The following GOSR2 variants were observed in gnomAD, a reference collection of about 807,000 sequenced individuals.
GOSR2 encodes the protein golgi SNAP receptor complex member 2, also known as 27 kDa Golgi SNARE protein.
In GOSR2, 20 loss-of-function variants were observed where a neutral mutation model predicts 27.9. The ratio of observed to expected loss-of-function variants is 0.72; its 90% CI spans 0.50 to 1.04. The LOEUF (loss-of-function observed/expected upper bound fraction) is 1.04. Ranked by LOEUF, GOSR2 falls within the 50% of genes least tolerant of loss-of-function variation. The probability of loss-of-function intolerance (pLI) is 0.00; values close to 1 mark genes in which losing one functional copy is unlikely to be tolerated. For missense variants in GOSR2, 261 were observed against 270.5 expected (o/e 0.97, Z 0.25); for synonymous variants, 91 against 98.8 (o/e 0.92, Z 0.47).
downstream of GOSR2, among the ~76,000 whole-genome samples, chr17:46,943,832 C>G (rs999350473): frequency 3.9e-5 from 6 of 152,222 alleles, no homozygotes. Flanking sequence ...TCACTCAGGA[C>G]TGGGGAGAGA....
chr17:46,940,796 T>C lies in GOSR2; in HGVS notation c.*2036T>C. The C allele has an allele frequency of 1.3e-6, 2 of 1,489,794 alleles. No homozygotes were observed. The highest frequency in any genetic ancestry group is 8.9e-7 in the Non-Finnish European group (1 of 1,121,368). 92.3% of individuals were successfully genotyped at this position (1,489,794 alleles called of 1,614,324 possible). On this transcript the variant is annotated 3_prime_UTR_variant, in exon 6 of 6. Transcript: ENST00000640051. ...TTTGGAATAAAAATTGCAGAGGTGG[T>C]TTTTGGGTCTTTACCACCTGCGGCT...
chr17:46,923,307 G>A, intron 1 of GOSR2, 86 bp downstream of exon 1: 1 of 1,546,506 alleles, frequency 6.5e-7, no homozygotes, highest in Middle Eastern at 1.7e-4. Context: ...TCGGACGTCA[G>A]CCAGGGTAGA....
intron 5 of GOSR2, 92 bp from the exon 6 acceptor site, chr17:46,938,503 ATGTC>A: frequency 9.4e-6 from 15 of 1,589,526 alleles, no homozygotes; most frequent in Non-Finnish European, 1.3e-5. Flanking sequence ...GACCAAGAGA[ATGTC>A]TGTTGGCAAA....
At chr17:46,961,899 G>A (rs2147302638) in intron 6 of GOSR2, among the ~76,000 whole-genome samples, 1 of 152,180 alleles carries the variant, frequency 6.6e-6, no homozygotes, top group South Asian at 2.1e-4. Flanking sequence ...CTACCCTAGG[G>A]GATTATAGTT....
At chr17:46,943,388 T>C (rs1291512846), downstream of GOSR2, among the ~76,000 whole-genome samples, 1 of 152,212 alleles carries the variant, frequency 6.6e-6, no homozygotes, top group Non-Finnish European at 1.5e-5. Flanking sequence ...TGCCTGGTGT[T>C]CCGTCCTCCC....
intron 1 of GOSR2, among the ~76,000 whole-genome samples, chr17:46,925,325 C>G (rs1240815691): frequency 1.3e-5 from 2 of 152,222 alleles, no homozygotes; most frequent in African/African-American, 4.8e-5. Flanking sequence ...AGGCCCTCTG[C>G]TACCCCGACA....
intron 6 of GOSR2, among the ~76,000 whole-genome samples, chr17:46,961,716 A>C (rs2091061344): frequency 6.6e-6 from 1 of 152,244 alleles, no homozygotes; most frequent in African/African-American, 2.4e-5. Context: ...ACGACATAGA[A>C]AATTTGCAAG....
chr17:46,958,923 A>ATT (rs2090898088), intron 6 of GOSR2, among the ~76,000 whole-genome samples: 1 of 152,238 alleles, frequency 6.6e-6, no homozygotes, highest in Non-Finnish European at 1.5e-5. Flanking sequence ...TCCAAGAACT[A>ATT]TTACAAGGCT....
chr17:46,936,228 A>G, intron 5 of GOSR2: 2 of 985,472 alleles, frequency 2.0e-6, no homozygotes, highest in East Asian at 2.3e-4. Flanking sequence ...CCCTTTCTTT[A>G]GAAAACTGCT....
In GOSR2 at chr17:46,960,230, A is replaced by G. The variant is rs150165712; in HGVS notation, c.584-6304A>G. On this transcript the variant is annotated intron_variant, in intron 6 of 6. Coordinates refer to the GOSR2 transcript ENST00000573224. The stretch of plus-strand genomic sequence containing the variant: ...TTACTAAAGAAGATATACAGATGGC[A>G]CTTAAGAACATGAAAAGATGCTCAA... 2.1e-3 allele frequency among the ~76,000 whole-genome samples: 326 copies of G among 152,376 alleles called. 1 individual carries two copies. The highest frequency in any genetic ancestry group is 7.6e-3 in the African/African-American group (315 of 41,596).
At chr17:46,953,330 G>A (rs2090498844) in intron 6 of GOSR2, among the ~76,000 whole-genome samples, 1 of 152,128 alleles carries the variant, frequency 6.6e-6, no homozygotes, top group Non-Finnish European at 1.5e-5. Flanking sequence ...AGTTTGCTGA[G>A]AATGATGGTT....
chr17:46,960,363 C>T (rs958696900), intron 6 of GOSR2, among the ~76,000 whole-genome samples: 2 of 152,068 alleles, frequency 1.3e-5, no homozygotes, highest in Non-Finnish European at 1.5e-5. Context: ...CAAGTGCTGA[C>T]GAGGACATAG....
chr17:46,932,336 A>G, intron 4 of GOSR2, 137 bp downstream of exon 4: 1 of 971,840 alleles, frequency 1.0e-6, no homozygotes. Context: ...AATGACAGGA[A>G]CTTTGTGCAT....
At chr17:46,956,233 A>G (rs553353085) in intron 6 of GOSR2, among the ~76,000 whole-genome samples, 1 of 146,820 alleles carries the variant, frequency 6.8e-6, no homozygotes, top group African/African-American at 2.5e-5. Context: ...CCTCTGGGGT[A>G]GAAATCTCTA....
In GOSR2 at chr17:46,923,227, G is replaced by C; in HGVS notation, c.29+6G>C. ...CTGTTCCAGCAAACGCACAAGTGAG[G>C]GCCGGTCGGGGAGCGGGCAGGGGCT... On this transcript the variant is annotated splice_donor_region_variant and intron_variant, in intron 1 of 5. Transcript: ENST00000640051. 6.4e-7 allele frequency: 1 copy of C among 1,551,032 alleles called. No individual in the cohort carries two copies. The highest frequency in any genetic ancestry group is 8.7e-7 in the Non-Finnish European group (1 of 1,146,498).
chr17:46,949,393 A>G (rs576687662), intron 6 of GOSR2: 79 of 152,214 alleles, frequency 5.2e-4, no homozygotes, highest in African/African-American at 1.7e-3. Flanking sequence ...TGTACTTTCT[A>G]TGACCAAGCC....
chr17:46,931,651 G>GCCACCT, intron 3 of GOSR2: 1 of 227,722 alleles, frequency 4.4e-6, no homozygotes, highest in Middle Eastern at 1.4e-3. Flanking sequence ...AACCACCCTT[G>GCCACCT]CCACCTCCAC....
intron 6 of GOSR2, among the ~76,000 whole-genome samples, chr17:46,954,786 C>T (rs1356751770): frequency 7.9e-5 from 12 of 152,184 alleles, no homozygotes; most frequent in Non-Finnish European, 1.6e-4. Context: ...CTCTTTGAAG[C>T]AATTGTGAAT....
At chr17:46,971,833 C>A (rs935886098), downstream of GOSR2, among the ~76,000 whole-genome samples, 3 of 152,236 alleles carry the variant, frequency 2.0e-5, no homozygotes, top group Admixed American at 1.3e-4. Flanking sequence ...TGTGTTTGTT[C>A]TGTGTGCATG....
Sources: allele counts gnomAD v4.1 joint callset (sites outside exome capture counted in the v4.1 genomes callset), GRCh38; gene constraint gnomAD v4.1.1; transcripts MANE v1.5; gene names NCBI Gene and HGNC (gene_info 2026-07-23, HGNC 2026-07-21).